The following PATJ variants were observed in gnomAD, a reference collection of about 807,000 sequenced individuals.
PATJ encodes the protein inaD-like protein.
PATJ carries 190 observed loss-of-function variants against 224.9 expected under a neutral mutation model. The observed-to-expected ratio is 0.84, with a 90% CI of 0.75 to 0.95. The LOEUF (loss-of-function observed/expected upper bound fraction) is 0.95. Among genes scored for constraint, PATJ ranks in the 40% least tolerant of loss-of-function variants. PATJ has a pLI of 0.00. For missense variants in PATJ, 2,121 were observed against 2,270.3 expected (o/e 0.93, Z 1.34); for synonymous variants, 769 against 820.3 (o/e 0.94, Z 1.07).
chr1:62,096,678 C>T (rs769877108), intron 33 of PATJ, among the ~76,000 whole-genome samples: 21 of 152,192 alleles, frequency 1.4e-4, no homozygotes, highest in Non-Finnish European at 2.1e-4. Flanking sequence ...TGCAATGGCG[C>T]GATCTCAGCT....
At chr1:62,002,709 C>CAAAAAA (rs766357883) in intron 28 of PATJ, among the ~76,000 whole-genome samples, 2 of 112,798 alleles carry the variant, frequency 1.8e-5, no homozygotes, top group Non-Finnish European at 1.8e-5. Context: ...AACTCTGTCT[C>CAAAAAA]AAAAAAAAAA....
rs1400598262 is a variant in PATJ at position 62,163,648 on chromosome 1, C to A, written c.*2594C>A. 2 of 152,578 alleles carry A rather than the reference C, an allele frequency of 1.3e-5. No homozygotes were observed. Among genetic ancestry groups the A allele is most frequent in the Non-Finnish European group, 2.9e-5 (2 of 68,032 alleles). 9.5% of individuals were successfully genotyped at this position (152,578 alleles called of 1,614,324 possible). On this transcript the variant is annotated 3_prime_UTR_variant, in exon 44 of 44. Coordinates refer to ENST00000642238, the MANE Select transcript of PATJ (RefSeq NM_001350145.3). ...CTTGTCATAATCGGTTCTGTCTCCG[C>A]TCACATGACTAATACGTAATTGCCT...
rs1669805551 is a variant in PATJ at position 62,161,190 on chromosome 1, A to C, written c.*136A>C. On this transcript the variant is annotated 3_prime_UTR_variant, in exon 44 of 44. Transcript: ENST00000642238. ...TTTCTTGCCCTCTCTGCTCAGGAGA[A>C]ATGGCTGAGGTTTCATGTGAATTTC... The C allele has an allele frequency of 1.7e-6, 1 of 590,604 alleles. No homozygotes were observed. The highest frequency in any genetic ancestry group is 2.6e-6 in the Non-Finnish European group (1 of 389,732). 36.6% of individuals were successfully genotyped at this position (590,604 alleles called of 1,614,324 possible).
chr1:61,797,284 T>G lies in PATJ; in HGVS notation c.1261-3T>G, dbSNP rs1316366637. 22 of 1,610,184 alleles carry G rather than the reference T, an allele frequency of 1.4e-5. No homozygotes were observed. The highest frequency in any genetic ancestry group is 3.3e-4 in the Middle Eastern group (2 of 6,072). On this transcript the variant is annotated splice_region_variant and splice_polypyrimidine_tract_variant and intron_variant, in intron 10 of 43. Transcript: ENST00000642238. ...CTGCTTAATGTTTCTCTTGATGTTTTAGGTCGATGGCGTGAACATTCAGGG... is the reference window on the plus strand; with the variant it reads ...CTGCTTAATGTTTCTCTTGATGTTTGAGGTCGATGGCGTGAACATTCAGGG...
chr1:61,890,106 T>C (rs1669391436), intron 22 of PATJ, among the ~76,000 whole-genome samples: 1 of 152,228 alleles, frequency 6.6e-6, no homozygotes, highest in South Asian at 2.1e-4. Flanking sequence ...CTGCTGTTTA[T>C]ACCTGTATGA....
chr1:61,882,629 C>A (rs1010272451), intron 21 of PATJ, among the ~76,000 whole-genome samples: 2 of 152,044 alleles, frequency 1.3e-5, no homozygotes, highest in Non-Finnish European at 2.9e-5. Flanking sequence ...ACTCTGTTGC[C>A]CAGGCTAGAG....
intron 24 of PATJ, among the ~76,000 whole-genome samples, chr1:61,907,386 T>G (rs1672002642): frequency 6.6e-6 from 1 of 152,188 alleles, no homozygotes; most frequent in African/African-American, 2.4e-5. Flanking sequence ...AAATCTTTTT[T>G]CTAATTGCCT....
At chr1:61,941,516 T>A (rs1677817573) in intron 27 of PATJ, among the ~76,000 whole-genome samples, 3 of 152,116 alleles carry the variant, frequency 2.0e-5, no homozygotes, top group Non-Finnish European at 4.4e-5. Context: ...CCAGGTGTGG[T>A]GGCACACACC....
intron 21 of PATJ, among the ~76,000 whole-genome samples, chr1:61,878,008 G>A (rs145120792): frequency 3.3e-5 from 5 of 152,348 alleles, no homozygotes; most frequent in Non-Finnish European, 7.3e-5. Context: ...CCTGTGCACT[G>A]ACAGGGTCCA....
Position 61,795,662 on chromosome 1 carries a change from G to T in PATJ, c.1260+104G>T. ...GGAATAGCTTAATATAGTTTTATAA[G>T]GTTTTTTAAAAAATTAAGTTTGTTA... On this transcript the variant is annotated intron_variant, in intron 10 of 43. Coordinates refer to ENST00000642238, the MANE Select transcript of PATJ (RefSeq NM_001350145.3). 1.0e-5 allele frequency: 6 copies of T among 576,774 alleles called. No individual in the cohort carries two copies. The South Asian group carries it at 1.4e-4, about 13-fold the overall frequency. The allele number at this position is 576,774 out of a possible 1,614,324, so 35.7% of individuals were successfully genotyped here.
At chr1:61,761,812 A>T (rs1323496518) in intron 1 of PATJ, among the ~76,000 whole-genome samples, 1 of 151,786 alleles carries the variant, frequency 6.6e-6, no homozygotes, top group African/African-American at 2.4e-5. Context: ...CAGCCTCCTG[A>T]GCAGCTGGGA....
chr1:61,984,380 G>A lies in PATJ; in HGVS notation c.3671-5788G>A, dbSNP rs151052265. 8.4e-4 allele frequency among the ~76,000 whole-genome samples: 127 copies of A among 151,352 alleles called. 3 individuals are homozygous for A. The East Asian group carries it at 0.021, about 25-fold the overall frequency. On this transcript the variant is annotated intron_variant, in intron 27 of 43. Transcript: ENST00000642238. ...TCACTATACTGGCCAGGCTGGTCTC[G>A]AACCCCTGACCTGGCTAGTGATCTG...
At chr1:61,810,112 A>C (rs564206528) in intron 14 of PATJ, among the ~76,000 whole-genome samples, 2 of 151,840 alleles carry the variant, frequency 1.3e-5, no homozygotes, top group African/African-American at 4.8e-5. Context: ...GGCCTCCCAG[A>C]GTGCTGGGAT....
At chr1:61,762,779 G>A in intron 1 of PATJ, 79 bp from the exon 2 acceptor site, 1 of 623,976 alleles carries the variant, frequency 1.6e-6, no homozygotes, top group Non-Finnish European at 2.7e-6. Flanking sequence ...TGTTCTTGAG[G>A]TTTTCCTTAA....
chr1:61,951,076 G>A (rs1679585665), intron 27 of PATJ, among the ~76,000 whole-genome samples: 1 of 151,992 alleles, frequency 6.6e-6, no homozygotes, highest in Non-Finnish European at 1.5e-5. Flanking sequence ...AACCGGGGAG[G>A]TGGAGTTGCA....
intron 30 of PATJ, chr1:62,039,192 T>C (rs1274227323): frequency 6.1e-6 from 3 of 495,108 alleles, no homozygotes; most frequent in African/African-American, 5.9e-5. Context: ...CTACTAAAGT[T>C]CCAGTAGTTA....
In PATJ at chr1:61,759,862, G is replaced by A. The variant is rs1395124348; in HGVS notation, c.-35-2996G>A. On this transcript the variant is annotated intron_variant, in intron 1 of 43. Coordinates refer to ENST00000642238, the MANE Select transcript of PATJ (RefSeq NM_001350145.3). ...TACACTCTTAGGACAACTTAGCAGT[G>A]TCAGTATACATTGTGTAAATTTTTA... 2.6e-5 allele frequency among the ~76,000 whole-genome samples: 4 copies of A among 152,144 alleles called. No individual in the cohort carries two copies. The East Asian group carries it at 7.7e-4, about 29-fold the overall frequency.
chr1:62,136,423 C>T (rs546936183), intron 41 of PATJ, among the ~76,000 whole-genome samples: 1 of 151,662 alleles, frequency 6.6e-6, no homozygotes, highest in Non-Finnish European at 1.5e-5. Flanking sequence ...AAACTTTAAG[C>T]AGCTGTGCTT....
intron 41 of PATJ, among the ~76,000 whole-genome samples, chr1:62,131,009 A>T (rs1666207291): frequency 6.6e-6 from 1 of 152,212 alleles, no homozygotes; most frequent in Admixed American, 6.6e-5. Flanking sequence ...CTATCACACT[A>T]GTCTTTAAGT....
Sources: allele counts gnomAD v4.1 joint callset (sites outside exome capture counted in the v4.1 genomes callset), GRCh38; gene constraint gnomAD v4.1.1; transcripts MANE v1.5; gene names NCBI Gene and HGNC (gene_info 2026-07-23, HGNC 2026-07-21).